KIRREL3: variants seen among roughly 807,000 people sequenced by gnomAD.
The protein encoded by KIRREL3 is kin of IRRE-like protein 3.
KIRREL3 carries 36 observed loss-of-function variants against 89.7 expected under a neutral mutation model. The observed-to-expected ratio is 0.40, with a 90% confidence interval of 0.31 to 0.53. KIRREL3 has a LOEUF of 0.53. Among genes scored for constraint, KIRREL3 ranks in the 20% least tolerant of loss-of-function variants. KIRREL3 has a pLI of 0.49. For synonymous variants in KIRREL3, 445 were observed against 441.4 expected (o/e 1.01, Z -0.10); for missense variants, 864 against 1,056.6 (o/e 0.82, Z 2.53).
intron 1 of KIRREL3, among the ~76,000 whole-genome samples, chr11:126,583,684 C>T (rs904991122): frequency 1.3e-5 from 2 of 152,146 alleles, no homozygotes; most frequent in African/African-American, 4.8e-5. Flanking sequence ...AAGAATGATC[C>T]CATCTACCTC....
At chr11:126,494,632 C>T (rs1331844528) in intron 4 of KIRREL3, among the ~76,000 whole-genome samples, 1 of 152,192 alleles carries the variant, frequency 6.6e-6, no homozygotes, top group African/African-American at 2.4e-5. Context: ...GAGAATGATG[C>T]CTCACTCTGA....
Position 126,768,245 on chromosome 11 carries a change from TCCATACATGCATCCAC to T in KIRREL3, c.56-205349_56-205334del, listed in dbSNP as rs1329214969. On this transcript the variant is annotated intron_variant, in intron 1 of 16. Transcript: ENST00000525144. The surrounding 1 kb of genome is among the most constrained non-coding windows in gnomAD (Gnocchi z 4.5). ...TCCATTCAATCTGTCCATCTGTCCATCCATACATGCATCCACCCATCCATCCATCCATTCATCCATC... is the reference window on the plus strand; with the variant it reads ...TCCATTCAATCTGTCCATCTGTCCATCCATCCATCCATCCATTCATCCATC... Among the ~76,000 whole-genome samples, 8 of 151,552 alleles carry T rather than the reference TCCATACATGCATCCAC, an allele frequency of 5.3e-5. No homozygotes were observed. The East Asian group carries it at 1.6e-3, about 30-fold the overall frequency.
intron 1 of KIRREL3, among the ~76,000 whole-genome samples, chr11:126,731,915 T>G (rs1222335999): frequency 6.6e-6 from 1 of 152,182 alleles, no homozygotes; most frequent in Non-Finnish European, 1.5e-5. Context: ...TAGTAGCTAC[T>G]TTGATGCAGG....
intron 1 of KIRREL3, among the ~76,000 whole-genome samples, chr11:126,956,816 C>T (rs1472433375): frequency 2.0e-5 from 3 of 152,168 alleles, no homozygotes; most frequent in Admixed American, 6.5e-5. Flanking sequence ...ACCGTTATGG[C>T]CTGCTGACTC....
intron 1 of KIRREL3, among the ~76,000 whole-genome samples, chr11:126,840,187 T>A (rs1347280307): frequency 6.6e-6 from 1 of 152,198 alleles, no homozygotes; most frequent in Non-Finnish European, 1.5e-5. Flanking sequence ...GATCTTTCTT[T>A]TAGTGGAAAG....
In KIRREL3 at chr11:126,485,179, G is replaced by T. The variant is rs528810343; in HGVS notation, c.434-11713C>A. 7.9e-5 allele frequency among the ~76,000 whole-genome samples: 12 copies of T among 152,290 alleles called. No homozygotes were observed. Among genetic ancestry groups the T allele is most frequent in the Non-Finnish European group, 1.5e-4 (10 of 68,016 alleles). On this transcript the variant is annotated intron_variant, in intron 4 of 16. Coordinates refer to ENST00000525144, the MANE Select transcript of KIRREL3 (RefSeq NM_032531.4). This position sits in a 1 kb window ranked among gnomAD's most constrained non-coding sequence, Gnocchi z 5.8. ...TATTTGGCAGCACAATCGCACAGAC[G>T]TGTCTCCAAGGAGGTTGGGGACAGA... is the stretch of plus-strand genomic sequence containing the variant.
chr11:126,624,520 C>G lies in KIRREL3; in HGVS notation c.56-61608G>C, dbSNP rs565424440. 1.3e-5 allele frequency among the ~76,000 whole-genome samples: 2 copies of G among 152,258 alleles called. No individual in the cohort carries two copies. The highest frequency in any genetic ancestry group is 4.1e-4 in the South Asian group (2 of 4,822). Reference sequence around the variant, plus strand: ...GTATGTTTATAATGGTGTAAAAACCCTGGTTTCCCCTTCCCATTCCCGGTG... The same window carrying G: ...GTATGTTTATAATGGTGTAAAAACCGTGGTTTCCCCTTCCCATTCCCGGTG... On this transcript the variant is annotated intron_variant, in intron 1 of 16. Coordinates refer to ENST00000525144, the MANE Select transcript of KIRREL3 (RefSeq NM_032531.4). This position sits in a 1 kb window ranked among gnomAD's most constrained non-coding sequence, Gnocchi z 6.0.
chr11:126,602,171 T>C (rs1367862491), intron 1 of KIRREL3, among the ~76,000 whole-genome samples: 2 of 152,190 alleles, frequency 1.3e-5, no homozygotes, highest in Non-Finnish European at 2.9e-5. Flanking sequence ...CTGTTTTGCC[T>C]TTTGATGAAA....
chr11:126,681,184 C>T (rs1271023691), intron 1 of KIRREL3, among the ~76,000 whole-genome samples: 1 of 152,132 alleles, frequency 6.6e-6, no homozygotes, highest in Non-Finnish European at 1.5e-5. Flanking sequence ...CCTTGTCACT[C>T]GCCTGGATAC....
chr11:126,453,570 G>A (rs1317470155), intron 7 of KIRREL3, among the ~76,000 whole-genome samples: 1 of 152,204 alleles, frequency 6.6e-6, no homozygotes, highest in Non-Finnish European at 1.5e-5. Context: ...TTTCTTCTTG[G>A]ATCCCAACAT....
Position 126,755,823 on chromosome 11 carries a change from CAGAG to C in KIRREL3, c.56-192915_56-192912del, listed in dbSNP as rs10616492. Among the ~76,000 whole-genome samples the C allele has an allele frequency of 4.3e-3, 639 of 147,996 alleles. 3 individuals are homozygous for C. The highest frequency in any genetic ancestry group is 8.3e-3 in the Admixed American group (123 of 14,854). On this transcript the variant is annotated intron_variant, in intron 1 of 16. Transcript: ENST00000525144. The surrounding 1 kb of genome is among the most constrained non-coding windows in gnomAD (Gnocchi z 4.3). ...GCGTGCTCGCCATCTGCCATTCAGG[CAGAG>C]AGAGAGAGAGAGAGAGAGAGAGAGA...
Position 126,954,019 on chromosome 11 carries a change from T to G in KIRREL3, c.55+46436A>C, listed in dbSNP as rs980644226. On this transcript the variant is annotated intron_variant, in intron 1 of 16. Transcript: ENST00000525144. The surrounding 1 kb of genome is among the most constrained non-coding windows in gnomAD (Gnocchi z 4.1). ...TCAGAGGTGTGAGCCTGTGTGTGTG[T>G]GCACAGGGGTGTGTGTGCACATGCG... Among the ~76,000 whole-genome samples the G allele has an allele frequency of 6.6e-6, 1 of 152,142 alleles. No individual in the cohort carries two copies. The highest frequency in any genetic ancestry group is 1.5e-5 in the Non-Finnish European group (1 of 68,030).
At chr11:126,875,435 G>C (rs975497597) in intron 1 of KIRREL3, among the ~76,000 whole-genome samples, 1 of 152,206 alleles carries the variant, frequency 6.6e-6, no homozygotes, top group Non-Finnish European at 1.5e-5. Context: ...AAACAAAACT[G>C]AGTGACTCTT....
In KIRREL3 at chr11:126,622,389, G is replaced by A. The variant is rs1222024277; in HGVS notation, c.56-59477C>T. On this transcript the variant is annotated intron_variant, in intron 1 of 16. Coordinates refer to ENST00000525144, the MANE Select transcript of KIRREL3 (RefSeq NM_032531.4). This position sits in a 1 kb window ranked among gnomAD's most constrained non-coding sequence, Gnocchi z 5.2. ...GCCTTGGAGTCTGGAGGGAGGAGAG[G>A]AGTCGGTTCTGGCTTGTGAGCCATG... Among the ~76,000 whole-genome samples the A allele has an allele frequency of 6.6e-6, 1 of 152,208 alleles. No individual in the cohort carries two copies. The highest frequency in any genetic ancestry group is 1.9e-4 in the East Asian group (1 of 5,194).
intron 1 of KIRREL3, among the ~76,000 whole-genome samples, chr11:126,567,943 A>T (rs577797130): frequency 8.5e-5 from 13 of 152,106 alleles, no homozygotes; most frequent in Non-Finnish European, 1.8e-4. Flanking sequence ...GGCTGCTTGT[A>T]GAAGGCCTTC....
At position 126,966,619 on chromosome 11, in the gene KIRREL3, T is replaced by G. The variant is rs184868652; in HGVS notation, c.55+33836A>C. Among the ~76,000 whole-genome samples, 16 of 152,274 alleles carry G rather than the reference T, an allele frequency of 1.1e-4. No individual in the cohort carries two copies. In the East Asian group the frequency reaches 2.9e-3, roughly 28 times the overall value. Reference sequence around the variant, plus strand: ...TGTCTGTGAGGAGCATCTCAGTGACTCTTCTCTAGGGCATACTAATGGGCT... The same window carrying G: ...TGTCTGTGAGGAGCATCTCAGTGACGCTTCTCTAGGGCATACTAATGGGCT... On this transcript the variant is annotated intron_variant, in intron 1 of 16. Transcript: ENST00000525144.
At chr11:126,505,475 G>A (rs1957990889) in intron 4 of KIRREL3, among the ~76,000 whole-genome samples, 1 of 152,130 alleles carries the variant, frequency 6.6e-6, no homozygotes, top group Non-Finnish European at 1.5e-5. Context: ...GGAGGCTGAG[G>A]CAGAAGAATT....
chr11:126,683,150 C>A lies in KIRREL3; in HGVS notation c.56-120238G>T, dbSNP rs780486021. ...CAATTACAAGCGTGAGCCACAGCAC[C>A]GGGTTACTTTGTTACTCTTTAGGGG... is the stretch of plus-strand genomic sequence containing the variant. On this transcript the variant is annotated intron_variant, in intron 1 of 16. Coordinates refer to ENST00000525144, the MANE Select transcript of KIRREL3 (RefSeq NM_032531.4). This position sits in a 1 kb window ranked among gnomAD's most constrained non-coding sequence, Gnocchi z 5.2. 1.3e-5 allele frequency among the ~76,000 whole-genome samples: 2 copies of A among 152,102 alleles called. No homozygotes were observed. Among genetic ancestry groups the A allele is most frequent in the African/African-American group, 4.8e-5 (2 of 41,412 alleles).
intron 2 of KIRREL3, among the ~76,000 whole-genome samples, chr11:126,556,927 C>T (rs11220539): frequency 0.068 from 10,292 of 152,248 alleles, 998 homozygotes; most frequent in African/African-American, 0.21. Context: ...GAAGAAAACA[C>T]ATCAGTAAGA....
Sources: allele counts gnomAD v4.1 joint callset (sites outside exome capture counted in the v4.1 genomes callset), GRCh38; gene constraint gnomAD v4.1.1; non-coding constraint Gnocchi (gnomAD v3.1); transcripts MANE v1.5; gene names NCBI Gene and HGNC (gene_info 2026-07-23, HGNC 2026-07-21).